AK5: variants seen among roughly 807,000 people sequenced by gnomAD.
The protein encoded by AK5 is adenylate kinase isoenzyme 5.
AK5 carries 27 observed loss-of-function variants against 69.5 expected under a neutral mutation model. That is an observed-to-expected ratio of 0.39 (90% CI 0.29 to 0.54). The LOEUF is 0.54. AK5 is among the 20% of genes least tolerant of loss of function. AK5 has a pLI of 0.71. For synonymous variants in AK5, 260 were observed against 244.4 expected (o/e 1.06, Z -0.60); for missense variants, 531 against 700.4 (o/e 0.76, Z 2.73).
In AK5 at chr1:77,379,366, C is replaced by T. The variant is rs142908089; in HGVS notation, c.892-31615C>T. Among the ~76,000 whole-genome samples the T allele has an allele frequency of 3.0e-3, 464 of 152,280 alleles. 7 individuals carry two copies. The highest frequency in any genetic ancestry group is 1.9e-3 in the East Asian group (10 of 5,186). On this transcript the variant is annotated intron_variant, in intron 6 of 13. Transcript: ENST00000354567. ...AAAGGAAGAGGCTTTAGGTTTCTTG[C>T]TTCCTTTCTCTGCTGGCAGCAGGTG...
intron 10 of AK5, among the ~76,000 whole-genome samples, chr1:77,498,611 G>A (rs974174246): frequency 3.3e-5 from 5 of 152,144 alleles, no homozygotes; most frequent in African/African-American, 1.2e-4. Flanking sequence ...TAGGTCATGG[G>A]GTTGATGGGA....
intron 6 of AK5, among the ~76,000 whole-genome samples, chr1:77,406,472 C>G (rs1160890012): frequency 6.6e-6 from 1 of 152,060 alleles, no homozygotes. Flanking sequence ...TGGAAATATG[C>G]AGAGGGCCTA....
intron 6 of AK5, among the ~76,000 whole-genome samples, chr1:77,366,071 G>GA (rs1484420844): frequency 6.6e-6 from 1 of 151,982 alleles, no homozygotes; most frequent in Non-Finnish European, 1.5e-5. Context: ...AAGAAGACTG[G>GA]AAAAAATGTA....
intron 10 of AK5, among the ~76,000 whole-genome samples, chr1:77,502,820 G>A (rs1032642205): frequency 2.6e-5 from 4 of 152,108 alleles, no homozygotes; most frequent in African/African-American, 9.7e-5. Flanking sequence ...CCCTGCTTTT[G>A]AAGTCCTTCT....
At chr1:77,336,930 C>T (rs1661393471) in intron 5 of AK5, among the ~76,000 whole-genome samples, 1 of 152,110 alleles carries the variant, frequency 6.6e-6, no homozygotes, top group Non-Finnish European at 1.5e-5. Flanking sequence ...CTGAACTAGT[C>T]ATATGGCATT....
chr1:77,440,153 G>A (rs1401650848), intron 8 of AK5, among the ~76,000 whole-genome samples: 3 of 151,948 alleles, frequency 2.0e-5, no homozygotes, highest in Non-Finnish European at 4.4e-5. Flanking sequence ...AGCATTTCTT[G>A]TGAAGCCAGT....
intron 6 of AK5, among the ~76,000 whole-genome samples, chr1:77,403,834 A>G (rs920175051): frequency 6.6e-6 from 1 of 152,202 alleles, no homozygotes; most frequent in South Asian, 2.1e-4. Context: ...TTCTGTGAAG[A>G]AAGTCATTGG....
At chr1:77,294,609 A>C (rs1658880356) in intron 3 of AK5, among the ~76,000 whole-genome samples, 1 of 152,130 alleles carries the variant, frequency 6.6e-6, no homozygotes, top group African/African-American at 2.4e-5. Flanking sequence ...AACAAATCTA[A>C]TAGAATAGTG....
chr1:77,333,078 C>T (rs756901698), intron 5 of AK5, among the ~76,000 whole-genome samples: 6 of 151,858 alleles, frequency 4.0e-5, no homozygotes, highest in African/African-American at 7.3e-5. Context: ...ATACTTTTCT[C>T]CCTACAGTCT....
rs187218453 is a variant in AK5, at chr1:77,531,079, C to A, written c.1429-4768C>A. 3.9e-5 allele frequency among the ~76,000 whole-genome samples: 6 copies of A among 152,204 alleles called. No homozygotes were observed. In the East Asian group the frequency reaches 9.7e-4, roughly 25 times the overall value. On this transcript the variant is annotated intron_variant, in intron 12 of 13. Coordinates refer to ENST00000354567, the MANE Select transcript of AK5 (RefSeq NM_174858.3). ...TAAAGAATGAAGCCGTGGACCCTCG[C>A]GGTGAGTGTTACCATTCTTAAAGGC...
chr1:77,313,917 A>C (rs746943560), intron 5 of AK5: 4 of 521,640 alleles, frequency 7.7e-6, no homozygotes, highest in Non-Finnish European at 7.9e-6. Context: ...AAGAAAGCAG[A>C]AGTCTTTGCC....
intron 2 of AK5, among the ~76,000 whole-genome samples, chr1:77,289,794 C>T (rs1276771119): frequency 2.3e-5 from 3 of 128,940 alleles, no homozygotes; most frequent in Admixed American, 9.8e-5. Context: ...ACCCGGGAGG[C>T]GGAGCTTGCA....
intron 10 of AK5, among the ~76,000 whole-genome samples, chr1:77,500,336 G>T (rs190912868): frequency 6.6e-6 from 1 of 152,272 alleles, no homozygotes; most frequent in African/African-American, 2.4e-5. Context: ...TCAGGTTTTA[G>T]TCCACCATTA....
At chr1:77,365,174 T>G (rs1209169113) in intron 6 of AK5, among the ~76,000 whole-genome samples, 2 of 152,236 alleles carry the variant, frequency 1.3e-5, no homozygotes, top group Non-Finnish European at 2.9e-5. Flanking sequence ...TTTTAAAAAA[T>G]GCCTGTTCAG....
In AK5 at chr1:77,391,346, G is replaced by C. The variant is rs373696622; in HGVS notation, c.892-19635G>C. ...GCTGAGGCATAGGCACATCACCCTG[G>C]TATACATTTATTTGTCTGTCTCAGT... On this transcript the variant is annotated intron_variant, in intron 6 of 13. Transcript: ENST00000354567. 2.6e-4 allele frequency among the ~76,000 whole-genome samples: 38 copies of C among 146,860 alleles called. No individual in the cohort carries two copies. In the East Asian group the frequency reaches 6.9e-3, roughly 27 times the overall value.
intron 5 of AK5, among the ~76,000 whole-genome samples, chr1:77,306,494 G>GTTTTTTTTTTTTT (rs869202567): frequency 8.3e-6 from 1 of 120,364 alleles, no homozygotes; most frequent in Non-Finnish European, 1.7e-5. Context: ...GTTTTTTTTT[G>GTTTTTTTTTTTTT]TTTTTTTTTT....
chr1:77,477,318 A>G (rs749239573), intron 8 of AK5, among the ~76,000 whole-genome samples: 2 of 152,134 alleles, frequency 1.3e-5, no homozygotes, highest in African/African-American at 4.8e-5. Context: ...ATGAGCCACC[A>G]CATCTGGCCT....
intron 6 of AK5, among the ~76,000 whole-genome samples, chr1:77,408,914 A>C (rs1400008006): frequency 2.0e-5 from 3 of 151,290 alleles, no homozygotes. Context: ...GCCTCCTCCT[A>C]CTCTCCCCGC....
chr1:77,306,606 G>A (rs2799558), intron 5 of AK5, among the ~76,000 whole-genome samples: 23,210 of 147,696 alleles, frequency 0.16, 2,172 homozygotes, highest in Non-Finnish European at 0.2. Context: ...AGGTAATACT[G>A]GCTTCATAAA....
Sources: gnomAD v4.1 joint callset for allele counts (sites outside exome capture counted in the v4.1 genomes callset) on GRCh38, gnomAD v4.1.1 for gene constraint, MANE v1.5 for transcripts, NCBI Gene and HGNC (gene_info 2026-07-23, HGNC 2026-07-21) for gene names.